Variants in GALNT13 observed in about 807,000 individuals in gnomAD.
The protein encoded by GALNT13 is UDP-GalNAc:polypeptide N-acetylgalactosaminyltransferase 13.
GALNT13 carries 28 observed loss-of-function variants against 64.2 expected under a neutral mutation model. The observed-to-expected ratio is 0.44, with a 90% confidence interval of 0.32 to 0.60. The LOEUF is 0.60. Ranked by LOEUF, GALNT13 falls within the 20% of genes least tolerant of loss-of-function variation. The pLI is 0.05. For synonymous variants in GALNT13, 214 were observed against 224.6 expected (o/e 0.95, Z 0.42); for missense variants, 577 against 669.8 (o/e 0.86, Z 1.53).
chr2:153,480,653 G>A, the GALNT13 span, among the ~76,000 whole-genome samples: 228 of 152,154 alleles, frequency 1.5e-3, no homozygotes, highest in African/African-American at 5.1e-3. Flanking sequence ...ATAATAAAAC[G>A]TAATGTATAC....
chr2:153,221,353 T>A, the GALNT13 span, among the ~76,000 whole-genome samples: 1 of 152,134 alleles, frequency 6.6e-6, no homozygotes, highest in Admixed American at 6.5e-5. Context: ...CCCAAATCTA[T>A]GTCGTCTAAA....
At chr2:153,657,947 T>C in the GALNT13 span, among the ~76,000 whole-genome samples, 2 of 152,084 alleles carry the variant, frequency 1.3e-5, no homozygotes, top group Non-Finnish European at 2.9e-5. Flanking sequence ...GGCTGATCTA[T>C]TAATATACCT....
chr2:154,079,529 A>G (rs1044018099), intron 3 of GALNT13, among the ~76,000 whole-genome samples: 4 of 151,674 alleles, frequency 2.6e-5, no homozygotes, highest in Non-Finnish European at 5.9e-5. Flanking sequence ...GAGACCACAC[A>G]GGCACCTTGG....
chr2:154,154,016 T>G (rs2105637055), intron 4 of GALNT13, among the ~76,000 whole-genome samples: 1 of 152,358 alleles, frequency 6.6e-6, no homozygotes, highest in Admixed American at 6.5e-5. Context: ...ATCACCCATC[T>G]TCTGTGTTGC....
the GALNT13 span, chr2:153,370,941 G>T: frequency 9.6e-6 from 2 of 207,724 alleles, no homozygotes; most frequent in Non-Finnish European, 2.0e-5. Flanking sequence ...CTGTGGAAAA[G>T]TTCTATGACA....
At chr2:153,119,742 A>C in the GALNT13 span, among the ~76,000 whole-genome samples, 21 of 152,290 alleles carry the variant, frequency 1.4e-4, no homozygotes, top group African/African-American at 4.1e-4. Flanking sequence ...CTGACCCTTC[A>C]GAGAATACCC....
At chr2:153,535,324 C>T in the GALNT13 span, among the ~76,000 whole-genome samples, 2 of 152,148 alleles carry the variant, frequency 1.3e-5, no homozygotes, top group African/African-American at 2.4e-5. Flanking sequence ...TAAGGAGATT[C>T]AGCATAGTCC....
chr2:154,362,290 C>A (rs1697116178), intron 9 of GALNT13, among the ~76,000 whole-genome samples: 1 of 143,562 alleles, frequency 7.0e-6, no homozygotes, highest in African/African-American at 2.5e-5. Context: ...TAGTTTCTCG[C>A]TTCTTGAGTC....
intron 3 of GALNT13, among the ~76,000 whole-genome samples, chr2:154,023,726 A>T (rs1324265752): frequency 2.6e-5 from 4 of 152,056 alleles, no homozygotes; most frequent in Non-Finnish European, 5.9e-5. Context: ...TATGAATTTG[A>T]TCCTGTCATT....
chr2:153,693,641 C>T, the GALNT13 span, among the ~76,000 whole-genome samples: 3 of 151,648 alleles, frequency 2.0e-5, no homozygotes, highest in Admixed American at 6.6e-5. Flanking sequence ...AAAGGGCAAG[C>T]AGGAGGATAA....
the GALNT13 span, among the ~76,000 whole-genome samples, chr2:153,658,917 G>A: frequency 3.3e-5 from 5 of 151,786 alleles, no homozygotes; most frequent in Non-Finnish European, 5.9e-5. Context: ...ATCAGCCCAC[G>A]TTTGTGCCTT....
the GALNT13 span, among the ~76,000 whole-genome samples, chr2:153,717,874 G>A: frequency 6.6e-6 from 1 of 152,142 alleles, no homozygotes; most frequent in Non-Finnish European, 1.5e-5. Context: ...TCAGCATTTG[G>A]TGCTTGGCCA....
the GALNT13 span, among the ~76,000 whole-genome samples, chr2:153,207,515 A>G: frequency 6.6e-6 from 1 of 152,068 alleles, no homozygotes; most frequent in Non-Finnish European, 1.5e-5. Flanking sequence ...CCAATTCTAA[A>G]ATTCCTTCTT....
At chr2:153,495,300 ACT>A in the GALNT13 span, among the ~76,000 whole-genome samples, 1 of 151,958 alleles carries the variant, frequency 6.6e-6, no homozygotes, top group Non-Finnish European at 1.5e-5. Flanking sequence ...ACAGAACGAG[ACT>A]CTGTCTCAAA....
intron 1 of GALNT13, among the ~76,000 whole-genome samples, chr2:153,898,378 T>C (rs529214971): frequency 6.6e-6 from 1 of 152,218 alleles, no homozygotes; most frequent in Non-Finnish European, 1.5e-5. Flanking sequence ...TATATTGATA[T>C]TTGAAGACAA....
At chr2:153,771,960 G>A in the GALNT13 span, among the ~76,000 whole-genome samples, 3 of 152,106 alleles carry the variant, frequency 2.0e-5, no homozygotes, top group Non-Finnish European at 2.9e-5. Flanking sequence ...AGCAGTCCGG[G>A]GCACCCAGCA....
rs116566430 is a variant in GALNT13, at chr2:154,220,189, G to A, written c.312-21841G>A. Among the ~76,000 whole-genome samples the A allele has an allele frequency of 1.4e-3, 216 of 152,074 alleles. 1 individual carries two copies. The highest frequency in any genetic ancestry group is 5.0e-3 in the African/African-American group (208 of 41,504). On this transcript the variant is annotated intron_variant, in intron 4 of 12. Transcript: ENST00000392825. ...CAATGAGTACTAGAATCATGTTGAC[G>A]CAATTTCCCTCATGAGTAAATGTTC... is the stretch of plus-strand genomic sequence containing the variant.
At chr2:153,279,218 A>C in the GALNT13 span, among the ~76,000 whole-genome samples, 1 of 152,108 alleles carries the variant, frequency 6.6e-6, no homozygotes, top group Non-Finnish European at 1.5e-5. Flanking sequence ...TGTATCCTCC[A>C]TCTTTACTAA....
chr2:153,649,197 G>A, the GALNT13 span, among the ~76,000 whole-genome samples: 2 of 152,274 alleles, frequency 1.3e-5, no homozygotes, highest in South Asian at 4.1e-4. Context: ...TCTTGGGAGG[G>A]TGTATGTTTC....
Sources: allele counts gnomAD v4.1 joint callset (sites outside exome capture counted in the v4.1 genomes callset), GRCh38; gene constraint gnomAD v4.1.1; transcripts MANE v1.5; gene names NCBI Gene and HGNC (gene_info 2026-07-23, HGNC 2026-07-21).